IWS1: variants seen among roughly 807,000 people sequenced by gnomAD.
IWS1 encodes the protein protein IWS1 homolog.
Under a neutral mutation model 86.7 loss-of-function variants are expected in IWS1, and 27 were observed. That is an observed-to-expected ratio of 0.31 (90% CI 0.23 to 0.43). IWS1 has a LOEUF of 0.43. IWS1 is among the 20% of genes least tolerant of loss of function. The pLI is 1.00. For missense variants in IWS1, 827 were observed against 1,000.8 expected (o/e 0.83, Z 2.34); for synonymous variants, 313 against 335.1 (o/e 0.93, Z 0.72).
intron 2 of IWS1, among the ~76,000 whole-genome samples, chr2:127,523,411 G>A (rs765230397): frequency 6.6e-5 from 10 of 152,034 alleles, no homozygotes; most frequent in Non-Finnish European, 1.2e-4. Flanking sequence ...ATCAAAGGCC[G>A]GGCCCATTTT....
At position 127,504,772 on chromosome 2, in the gene IWS1, A is replaced by C. The variant is rs139425745; in HGVS notation, c.1131T>G (p.Ser377Arg). 1.3e-4 allele frequency: 213 copies of C among 1,613,812 alleles called. No homozygotes were observed. The highest frequency in any genetic ancestry group is 1.6e-4 in the Non-Finnish European group (185 of 1,179,994). ...EEEHKKQKMD[S>R]DEDEKEGEEE... ...CCTCACCCTCTTTTTCATCTTCATC[A>C]CTGTCCATTTTTTGCTTTTTGTGTT... The change falls in exon 3 of 14, where the codon AGT becomes AGG. Residue 377 changes from serine (S) to arginine (R), a missense_variant. Ser to Arg is a moderately radical substitution (Grantham distance 110, BLOSUM62 -1). Around this residue, in one of 2 missense-constraint regions of IWS1, gnomAD observed 548 missense variants for 560.2 expected, o/e 0.98. Coordinates refer to ENST00000295321, the MANE Select transcript of IWS1 (RefSeq NM_017969.3).
chr2:127,490,668 T>C (rs1211809775), intron 10 of IWS1: 1 of 152,190 alleles, frequency 6.6e-6, no homozygotes, highest in Non-Finnish European at 1.5e-5. Flanking sequence ...ACCACCCCAT[T>C]GACCCCACTT....
Position 127,526,256 on chromosome 2 carries a change from G to A in IWS1, c.-48C>T, listed in dbSNP as rs1275485489. On this transcript the variant is annotated 5_prime_UTR_variant, in exon 1 of 14. In the 5' UTR this introduces an upstream ATG that the reference lacks. Transcript: ENST00000295321. ...AGTGTCCGCGCCCCGCGCCGCCCCC[G>A]TCACCTCCTTCCAGGCGGTGTGACC... 14 of 1,549,214 alleles carry A rather than the reference G, an allele frequency of 9.0e-6. No homozygotes were observed. The highest frequency in any genetic ancestry group is 1.2e-5 in the Non-Finnish European group (14 of 1,147,966).
upstream of IWS1, chr2:127,526,840 C>A: frequency 2.3e-6 from 1 of 437,372 alleles, no homozygotes. Context: ...TGGTTCCCGC[C>A]CGCAGTAGGC....
chr2:127,497,122 G>T (rs540614222), intron 6 of IWS1, among the ~76,000 whole-genome samples: 4 of 152,152 alleles, frequency 2.6e-5, no homozygotes, highest in Non-Finnish European at 5.9e-5. Flanking sequence ...GTTGTTAAGC[G>T]ACGCATGACT....
At chr2:127,491,392 T>C (rs1690217888) in intron 10 of IWS1, among the ~76,000 whole-genome samples, 1 of 152,062 alleles carries the variant, frequency 6.6e-6, no homozygotes, top group Admixed American at 6.5e-5. Flanking sequence ...ATCTAACCCC[T>C]CTCTTTCTCC....
At chr2:127,484,501 T>C (rs1184413082) in intron 13 of IWS1, 2 of 152,158 alleles carry the variant, frequency 1.3e-5, no homozygotes, top group African/African-American at 4.8e-5. Context: ...AAGTCCTGAG[T>C]GAATATGCAA....
intron 13 of IWS1, 65 bp from the exon 14 acceptor site, chr2:127,481,240 T>A: frequency 6.8e-7 from 1 of 1,460,794 alleles, no homozygotes; most frequent in Non-Finnish European, 9.1e-7. Flanking sequence ...ATGTCTTTCA[T>A]CTTCTTATAA....
At chr2:127,501,603 C>T (rs963635489) in intron 5 of IWS1, 1 of 152,090 alleles carries the variant, frequency 6.6e-6, no homozygotes, top group Non-Finnish European at 1.5e-5. Context: ...AATACTGTAT[C>T]TTGAAGCTTC....
At position 127,494,217 on chromosome 2, in the gene IWS1, G is replaced by A. The variant is rs117808320; in HGVS notation, c.1799+655C>T. 5.1e-4 allele frequency among the ~76,000 whole-genome samples: 75 copies of A among 147,480 alleles called. No individual in the cohort carries two copies. The East Asian group carries it at 0.012, about 24-fold the overall frequency. On this transcript the variant is annotated intron_variant, in intron 8 of 13. Transcript: ENST00000295321. Reference sequence around the variant, plus strand: ...AGCCCAGGAGTTCGAGACCAGCCTGGGCAACACAGCGAGATCCTGTCTCTA... The same window carrying A: ...AGCCCAGGAGTTCGAGACCAGCCTGAGCAACACAGCGAGATCCTGTCTCTA...
rs1690614677 is a variant in IWS1, at chr2:127,498,226, T to A, written c.1479A>T (p.Gln493His). Residue 493 changes from glutamine (Q) to histidine (H), a missense_variant, in exon 6 of 14, where the codon CAA (glutamine) becomes CAT (histidine). Physicochemically the swap from Gln to His is conservative, Grantham distance 24 (BLOSUM62 0). Coordinates refer to ENST00000295321, the MANE Select transcript of IWS1 (RefSeq NM_017969.3). ...EEEEEFTGFN[Q>H]EDLEEEKGET... The stretch of plus-strand genomic sequence containing the variant: ...CACCTTTTTCTTCTTCCAGATCTTC[T>A]TGGTTAAAACCCTAAATGCAAAATT... 1.2e-6 allele frequency: 2 copies of A among 1,602,006 alleles called. No homozygotes were observed. Among genetic ancestry groups the A allele is most frequent in the East Asian group, 4.5e-5 (2 of 44,698 alleles).
In IWS1 at chr2:127,526,284, G is replaced by T. The variant is rs1238887326; in HGVS notation, c.-76C>A. On this transcript the variant is annotated 5_prime_UTR_variant, in exon 1 of 14. Coordinates refer to ENST00000295321, the MANE Select transcript of IWS1 (RefSeq NM_017969.3). The stretch of plus-strand genomic sequence containing the variant: ...ACCTCCTTCCAGGCGGTGTGACCCC[G>T]GATGGCGCGGCTAAGTGTTCAGAGA... The T allele has an allele frequency of 1.3e-6, 2 of 1,544,910 alleles. No homozygotes were observed. The highest frequency in any genetic ancestry group is 3.9e-5 in the Admixed American group (2 of 51,028).
chr2:127,485,662 C>T (rs1320728551), intron 13 of IWS1, among the ~76,000 whole-genome samples: 1 of 152,152 alleles, frequency 6.6e-6, no homozygotes, highest in East Asian at 1.9e-4. Flanking sequence ...TTATCTATTA[C>T]TCTCTAGGAT....
At chr2:127,487,356 T>C (rs560839532) in intron 12 of IWS1, among the ~76,000 whole-genome samples, 4 of 152,342 alleles carry the variant, frequency 2.6e-5, no homozygotes, top group South Asian at 2.1e-4. Flanking sequence ...TTTAGTTCTA[T>C]GCAAATCCGT....
intron 13 of IWS1, among the ~76,000 whole-genome samples, chr2:127,481,887 A>T (rs1209662262): frequency 6.6e-6 from 1 of 152,204 alleles, no homozygotes; most frequent in Non-Finnish European, 1.5e-5. Context: ...TTCACAAGCA[A>T]CTAGATTTAC....
chr2:127,526,339 G>T lies in IWS1; in HGVS notation c.-131C>A. The T allele has an allele frequency of 6.5e-7, 1 of 1,538,546 alleles. No homozygotes were observed. On this transcript the variant is annotated 5_prime_UTR_variant, in exon 1 of 14. Transcript: ENST00000295321. ...CGCCCGACCGGAGAACTTAACGGGT[G>T]CGGAGGGTAAGAAAGCGGTAGCGGC...
chr2:127,486,591 C>A lies in IWS1; in HGVS notation c.2290G>T (p.Val764Phe), dbSNP rs1234504448. ...ATTTCCACATTCCATTTGGGCCTGA[C>A]AACATAGTCCTTGTTTGAAGGCATT... ...VPMPSNKDYV[V>F]RPKWNVEMES... The change falls in exon 13 of 14, where the codon GTC (valine) becomes TTC (phenylalanine). Residue 764 changes from valine to phenylalanine, a missense_variant. By Grantham distance (50) the Val-to-Phe change is conservative. This residue lies in a region of IWS1 where 279 missense variants were observed against 440.6 expected (regional missense o/e 0.63). Coordinates refer to ENST00000295321, the MANE Select transcript of IWS1 (RefSeq NM_017969.3). The A allele has an allele frequency of 6.2e-6, 10 of 1,613,970 alleles. No homozygotes were observed. In the Admixed American group the frequency reaches 1.7e-4, roughly 27 times the overall value.
intron 1 of IWS1, among the ~76,000 whole-genome samples, 159 bp from the exon 2 acceptor site, chr2:127,523,950 C>T (rs918487581): frequency 1.3e-5 from 2 of 152,202 alleles, no homozygotes; most frequent in Non-Finnish European, 2.9e-5. Context: ...ATACAATACT[C>T]ATACAAACAC....
chr2:127,526,458 C>G lies in IWS1; in HGVS notation c.-250G>C. The G allele has an allele frequency of 6.5e-7, 1 of 1,532,160 alleles. No homozygotes were observed. Among genetic ancestry groups the G allele is most frequent in the Non-Finnish European group, 8.8e-7 (1 of 1,139,124 alleles). 94.9% of individuals were successfully genotyped at this position (1,532,160 alleles called of 1,614,324 possible). On this transcript the variant is annotated 5_prime_UTR_variant, in exon 1 of 14. Transcript: ENST00000295321. ...GGCATGCGAGCCGGCGTTCTACTTC[C>G]TAGAAGCACCGCTGGGGCCAAAATG...
Sources: gnomAD v4.1 joint callset for allele counts (sites outside exome capture counted in the v4.1 genomes callset) on GRCh38, gnomAD v4.1.1 for gene constraint, gnomAD v4.1.1 regional missense constraint, MANE v1.5 for transcripts, NCBI Gene and HGNC (gene_info 2026-07-23, HGNC 2026-07-21) for gene names.